Variants in PDGFC observed in about 807,000 individuals in gnomAD.
PDGFC encodes platelet derived growth factor C.
In PDGFC, 12 loss-of-function variants were observed where a neutral mutation model predicts 35.5. The ratio of observed to expected loss-of-function variants is 0.34; its 90% CI spans 0.22 to 0.55. The LOEUF (loss-of-function observed/expected upper bound fraction) is 0.55. PDGFC is among the 20% of genes least tolerant of loss of function. The probability of loss-of-function intolerance (pLI) is 0.91; values close to 1 mark genes in which losing one functional copy is unlikely to be tolerated. For synonymous variants in PDGFC, 159 were observed against 148.8 expected (o/e 1.07, Z -0.50); for missense variants, 322 against 412.4 (o/e 0.78, Z 1.90).
chr4:156,825,581 T>TAAGAAGAAG (rs1485958597), intron 2 of PDGFC, among the ~76,000 whole-genome samples: 347 of 92,466 alleles, frequency 3.8e-3, no homozygotes, highest in African/African-American at 5.7e-3. Flanking sequence ...ATAATAATAA[T>TAAGAAGAAG]AATAATAATA....
At chr4:156,894,066 T>C (rs968788552) in intron 1 of PDGFC, among the ~76,000 whole-genome samples, 2 of 152,198 alleles carry the variant, frequency 1.3e-5, no homozygotes, top group African/African-American at 4.8e-5. Flanking sequence ...ATAATGGTTA[T>C]ACTAATTGAT....
chr4:156,902,913 C>T (rs1016586890), intron 1 of PDGFC, among the ~76,000 whole-genome samples: 1 of 152,076 alleles, frequency 6.6e-6, no homozygotes, highest in African/African-American at 2.4e-5. Flanking sequence ...AGCAAAAAAA[C>T]AGGCACTTGA....
chr4:156,789,207 G>C (rs903679477), intron 3 of PDGFC, among the ~76,000 whole-genome samples: 1 of 152,096 alleles, frequency 6.6e-6, no homozygotes, highest in Non-Finnish European at 1.5e-5. Flanking sequence ...AATCAAATAC[G>C]GAGTGCAGAC....
chr4:156,915,664 G>A (rs976742920), intron 1 of PDGFC, among the ~76,000 whole-genome samples: 1 of 152,100 alleles, frequency 6.6e-6, no homozygotes, highest in African/African-American at 2.4e-5. Context: ...GTGGTGGTGC[G>A]TGTTTGTAAT....
intron 1 of PDGFC, among the ~76,000 whole-genome samples, chr4:156,969,194 G>T (rs945253894): frequency 6.6e-6 from 1 of 152,198 alleles, no homozygotes; most frequent in Non-Finnish European, 1.5e-5. Flanking sequence ...GAGGAGCTTG[G>T]CTAGTAAGAA....
chr4:156,780,663 T>C (rs986286173), intron 3 of PDGFC, among the ~76,000 whole-genome samples: 2 of 152,166 alleles, frequency 1.3e-5, no homozygotes, highest in African/African-American at 4.8e-5. Flanking sequence ...TACAGAGTTA[T>C]TTACTTTAAA....
intron 5 of PDGFC, among the ~76,000 whole-genome samples, chr4:156,765,090 C>T (rs754890596): frequency 1.3e-5 from 2 of 152,128 alleles, no homozygotes; most frequent in Non-Finnish European, 2.9e-5. Flanking sequence ...TGCTGATGCT[C>T]ATGGAGATTT....
intron 2 of PDGFC, among the ~76,000 whole-genome samples, chr4:156,847,034 A>G (rs1181109829): frequency 6.6e-6 from 1 of 151,670 alleles, no homozygotes; most frequent in Non-Finnish European, 1.5e-5. Context: ...ATTAATTTTT[A>G]CTAATATAAA....
At position 156,909,654 on chromosome 4, in the gene PDGFC, C is replaced by T. The variant is rs1363961295; in HGVS notation, c.119-59238G>A. 2.0e-5 allele frequency among the ~76,000 whole-genome samples: 3 copies of T among 152,078 alleles called. No individual in the cohort carries two copies. In the East Asian group the frequency reaches 5.8e-4, roughly 29 times the overall value. ...ACAAATATCCACATACAAATACATTCCAATGTTAACAGTGGGTTTTCTCTG... is the reference window on the plus strand; with the variant it reads ...ACAAATATCCACATACAAATACATTTCAATGTTAACAGTGGGTTTTCTCTG... On this transcript the variant is annotated intron_variant, in intron 1 of 5. Coordinates refer to ENST00000502773, the MANE Select transcript of PDGFC (RefSeq NM_016205.3).
intron 1 of PDGFC, among the ~76,000 whole-genome samples, chr4:156,926,563 G>A (rs1731419230): frequency 6.6e-6 from 1 of 152,162 alleles, no homozygotes; most frequent in African/African-American, 2.4e-5. Context: ...AAACAAAGGG[G>A]CGACCAGCCC....
intron 3 of PDGFC, among the ~76,000 whole-genome samples, chr4:156,789,894 G>A (rs1731242349): frequency 6.7e-6 from 1 of 149,092 alleles, no homozygotes; most frequent in Non-Finnish European, 1.5e-5. Context: ...GGAGAATGGC[G>A]TGAACCCGGG....
chr4:156,793,812 T>C (rs527632470), intron 3 of PDGFC, among the ~76,000 whole-genome samples: 35 of 138,398 alleles, frequency 2.5e-4, no homozygotes, highest in African/African-American at 1.0e-3. Context: ...ATTTTTGTCA[T>C]TCACATTTTT....
rs555494099 is a variant in PDGFC, at chr4:156,873,683, T to C, written c.119-23267A>G. Among the ~76,000 whole-genome samples, 14 of 152,312 alleles carry C rather than the reference T, an allele frequency of 9.2e-5. No homozygotes were observed. In the South Asian group the frequency reaches 2.3e-3, roughly 25 times the overall value. ...ACACTATGTAATGCAATTTCTTAAA[T>C]GTAATATAATGGCTCGAAGGTCCAT... On this transcript the variant is annotated intron_variant, in intron 1 of 5. Transcript: ENST00000502773.
chr4:156,778,020 C>G (rs919970149), intron 3 of PDGFC, among the ~76,000 whole-genome samples: 2 of 152,144 alleles, frequency 1.3e-5, no homozygotes, highest in African/African-American at 4.8e-5. Context: ...ACAAGAATCA[C>G]TTGAACCCAG....
At chr4:156,846,771 A>G (rs1729336405) in intron 2 of PDGFC, among the ~76,000 whole-genome samples, 1 of 151,708 alleles carries the variant, frequency 6.6e-6, no homozygotes, top group African/African-American at 2.4e-5. Flanking sequence ...TTTTAAATCC[A>G]AAAGAAAAGA....
chr4:156,894,781 C>G (rs1012190224), intron 1 of PDGFC, among the ~76,000 whole-genome samples: 1 of 151,768 alleles, frequency 6.6e-6, no homozygotes, highest in African/African-American at 2.4e-5. Context: ...ACAAAATGAA[C>G]AAAAACCAAA....
Position 156,763,102 on chromosome 4 carries a change from G to A in PDGFC, c.1026C>T (p.Ser342=). 1 of 1,587,754 alleles carries A rather than the reference G, an allele frequency of 6.3e-7. No homozygotes were observed. Among genetic ancestry groups the A allele is most frequent in the Non-Finnish European group, 8.6e-7 (1 of 1,156,202 alleles). Residue 342 remains serine (S), a synonymous_variant, in exon 6 of 6, where the codon AGC becomes AGT. Coordinates refer to ENST00000502773, the MANE Select transcript of PDGFC (RefSeq NM_016205.3). ...HEECDCVCRG[S]TGG Reference sequence around the variant, plus strand: ...GGTGGTGATGCGGCTATCCTCCTGTGCTCCCTCTGCACACACAGTCACACT... The same window carrying A: ...GGTGGTGATGCGGCTATCCTCCTGTACTCCCTCTGCACACACAGTCACACT...
At chr4:156,826,069 T>C (rs1313223712) in intron 2 of PDGFC, among the ~76,000 whole-genome samples, 1 of 151,494 alleles carries the variant, frequency 6.6e-6, no homozygotes, top group African/African-American at 2.4e-5. Flanking sequence ...GGGTCTTTAT[T>C]GCCTAGGCTG....
chr4:156,864,191 G>A (rs576576415), intron 1 of PDGFC, among the ~76,000 whole-genome samples: 4 of 152,044 alleles, frequency 2.6e-5, no homozygotes, highest in Non-Finnish European at 1.5e-5. Flanking sequence ...TGGATAAAAA[G>A]GGTAATGTAA....
Sources: gnomAD v4.1 joint callset for allele counts (sites outside exome capture counted in the v4.1 genomes callset) on GRCh38, gnomAD v4.1.1 for gene constraint, MANE v1.5 for transcripts, NCBI Gene and HGNC (gene_info 2026-07-23, HGNC 2026-07-21) for gene names.